The following CFAP69 variants were observed in gnomAD, a reference collection of about 807,000 sequenced individuals.
The protein encoded by CFAP69 is cilia and flagella associated protein 69.
In CFAP69, 92 loss-of-function variants were observed where a neutral mutation model predicts 123.0. The ratio of observed to expected loss-of-function variants is 0.75; its 90% CI spans 0.63 to 0.89. The LOEUF (loss-of-function observed/expected upper bound fraction) is 0.89, where lower values mean the gene tolerates loss of function less well. Ranked by LOEUF, CFAP69 falls within the 40% of genes least tolerant of loss-of-function variation. The pLI is 0.00. For missense variants in CFAP69, 1,067 were observed against 1,096.9 expected (o/e 0.97, Z 0.39); for synonymous variants, 380 against 364.3 (o/e 1.04, Z -0.49).
Position 90,268,276 on chromosome 7 carries a change from T to C in CFAP69, c.434-10T>C. The C allele has an allele frequency of 6.3e-7, 1 of 1,579,954 alleles. No individual in the cohort carries two copies. The highest frequency in any genetic ancestry group is 8.6e-7 in the Non-Finnish European group (1 of 1,156,466). ...TGTTGTTAAATAGCACCTGTTTATC[T>C]TTCTGGCAGGTGACTTAATGAAAAT... On this transcript the variant is annotated splice_polypyrimidine_tract_variant and intron_variant, in intron 5 of 22. Coordinates refer to ENST00000389297, the MANE Select transcript of CFAP69 (RefSeq NM_001039706.3).
intron 15 of CFAP69, among the ~76,000 whole-genome samples, chr7:90,290,460 G>T (rs1488250586): frequency 6.6e-6 from 1 of 152,190 alleles, no homozygotes; most frequent in African/African-American, 2.4e-5. Flanking sequence ...TAGATCTTCA[G>T]TTGCTTGCAT....
chr7:90,247,850 A>C (rs1336042954), intron 1 of CFAP69, among the ~76,000 whole-genome samples: 1 of 152,242 alleles, frequency 6.6e-6, no homozygotes, highest in Non-Finnish European at 1.5e-5. Flanking sequence ...TCTCAAAAAA[A>C]CAAAACAAAA....
intron 1 of CFAP69, among the ~76,000 whole-genome samples, chr7:90,249,895 A>G (rs1796761471): frequency 6.6e-6 from 1 of 152,140 alleles, no homozygotes; most frequent in South Asian, 2.1e-4. Context: ...TGGCGTAGGT[A>G]TCATGCCTGA....
At chr7:90,317,196 T>C in the CFAP69 span, 4 of 152,144 alleles carry the variant, frequency 2.6e-5, no homozygotes, top group African/African-American at 9.7e-5. Context: ...AACTCAACTT[T>C]TTACTCCTGT....
Position 90,307,718 on chromosome 7 carries a change from A to G in CFAP69, c.2464-50A>G, listed in dbSNP as rs761652668. The stretch of plus-strand genomic sequence containing the variant: ...GACAGAGTGAGGTTCTGTCTCAAAA[A>G]AAAAAAAGAAAAAAAAGAAACTGAA... On this transcript the variant is annotated intron_variant, in intron 20 of 22. Transcript: ENST00000389297. The G allele has an allele frequency of 2.9e-5, 39 of 1,329,652 alleles. No individual in the cohort carries two copies. The African/African-American group carries it at 5.5e-4, about 19-fold the overall frequency. The allele number at this position is 1,329,652 out of a possible 1,614,324, so 82.4% of individuals were successfully genotyped here.
At chr7:90,284,197 G>A (rs1187961488) in intron 13 of CFAP69, among the ~76,000 whole-genome samples, 1 of 152,138 alleles carries the variant, frequency 6.6e-6, no homozygotes, top group Non-Finnish European at 1.5e-5. Flanking sequence ...CCGGAAAGAA[G>A]CTGATCTTTA....
Position 90,252,138 on chromosome 7 carries a change from G to GTGTGTGTGTGTGTGTGTGTGTGTT in CFAP69, c.121-3277_121-3276insTGTGTGTGTGTGTGTTTGTGTGTG, listed in dbSNP as rs1360943185. ...TGTGTGTGTGTGTGTGTGTGTGTGT[G>GTGTGTGTGTGTGTGTGTGTGTGTT]TGTGTGTGCATGCGCGTATAAAATC... On this transcript the variant is annotated intron_variant, in intron 1 of 22. Transcript: ENST00000389297. The GTGTGTGTGTGTGTGTGTGTGTGTT allele has an allele frequency of 2.0e-5, 3 of 151,624 alleles. No homozygotes were observed. In the East Asian group the frequency reaches 5.8e-4, roughly 29 times the overall value. The allele number at this position is 151,624 out of a possible 1,614,324, so 9.4% of individuals were successfully genotyped here.
rs1789197119 is a variant in CFAP69, at chr7:90,279,851, A to G, written c.1330A>G (p.Asn444Asp). Residue 444 changes from asparagine to aspartate, a missense_variant, in exon 12 of 23, where the codon AAT (asparagine) becomes GAT (aspartate). Asn to Asp is a conservative substitution (Grantham distance 23). Coordinates refer to ENST00000389297, the MANE Select transcript of CFAP69 (RefSeq NM_001039706.3). ...LIEEYMSCQG[N>D]ARVLAFLEWC... ...AGAAGAATACATGTCATGCCAGGGA[A>G]ATGCTCGAGTCCTTGCATTTCTAGA... The G allele has an allele frequency of 6.2e-7, 1 of 1,611,026 alleles. No individual in the cohort carries two copies. Among genetic ancestry groups the G allele is most frequent in the Non-Finnish European group, 8.5e-7 (1 of 1,179,202 alleles).
intron 11 of CFAP69, among the ~76,000 whole-genome samples, chr7:90,278,541 A>G (rs569550360): frequency 7.2e-5 from 11 of 152,260 alleles, no homozygotes; most frequent in African/African-American, 2.2e-4. Context: ...ATACAGTATT[A>G]TATAAATATT....
chr7:90,271,811 A>G lies in CFAP69; in HGVS notation c.713A>G (p.Gln238Arg). The G allele has an allele frequency of 6.3e-7, 1 of 1,584,158 alleles. No homozygotes were observed. The highest frequency in any genetic ancestry group is 8.6e-7 in the Non-Finnish European group (1 of 1,164,680). Residue 238 changes from glutamine to arginine, a missense_variant, in exon 8 of 23, where the codon CAA becomes CGA. Coordinates refer to ENST00000389297, the MANE Select transcript of CFAP69 (RefSeq NM_001039706.3). Reference sequence around the variant, plus strand: ...AATTGTACTATAATGATGAAAGCACAAGCAGCCAGTGGAATCTGTACTCAC... The same window carrying G: ...AATTGTACTATAATGATGAAAGCACGAGCAGCCAGTGGAATCTGTACTCAC... The part of the protein sequence containing the change: ...EVNCTIMMKA[Q>R]AASGICTHLN...
chr7:90,318,132 A>C, the CFAP69 span: 2 of 152,298 alleles, frequency 1.3e-5, no homozygotes, highest in South Asian at 4.1e-4. Flanking sequence ...AAAAGTATTA[A>C]TCTAAACCGT....
chr7:90,318,623 A>ATTTTTTAG, the CFAP69 span: 2 of 152,138 alleles, frequency 1.3e-5, no homozygotes, highest in Admixed American at 1.3e-4. Flanking sequence ...TCTAAAAAAT[A>ATTTTTTAG]TATCACATTT....
chr7:90,274,792 G>A (rs993607457), intron 9 of CFAP69, among the ~76,000 whole-genome samples: 2 of 152,078 alleles, frequency 1.3e-5, no homozygotes, highest in Non-Finnish European at 2.9e-5. Flanking sequence ...ATGTGCTAAG[G>A]TGAGATCTCC....
the CFAP69 span, chr7:90,316,529 CTG>C: frequency 6.6e-6 from 1 of 152,314 alleles, no homozygotes; most frequent in African/African-American, 2.4e-5. Flanking sequence ...AGTGTCAACT[CTG>C]TGAGTCAAAG....
intron 13 of CFAP69, among the ~76,000 whole-genome samples, chr7:90,284,488 A>G (rs1196857422): frequency 6.6e-6 from 1 of 152,224 alleles, no homozygotes; most frequent in Non-Finnish European, 1.5e-5. Context: ...AAACATGTAT[A>G]GAGCAGGACA....
chr7:90,253,729 T>G (rs981153937), intron 1 of CFAP69, among the ~76,000 whole-genome samples: 1 of 152,140 alleles, frequency 6.6e-6, no homozygotes, highest in African/African-American at 2.4e-5. Flanking sequence ...TATATTCTTG[T>G]TATTAATCCC....
intron 13 of CFAP69, among the ~76,000 whole-genome samples, chr7:90,284,801 A>C (rs1273731407): frequency 6.6e-6 from 1 of 152,222 alleles, no homozygotes; most frequent in Non-Finnish European, 1.5e-5. Flanking sequence ...CCAAAGTTTT[A>C]TGAAGATAAA....
Position 90,277,328 on chromosome 7 carries a change from T to C in CFAP69, c.1149T>C (p.Thr383=). ...VIVILCKDLP[T]VQLLIDGKVI... is the part of the protein sequence containing the mutation. ...TGATCTTATGTAAAGATTTACCTAC[T>C]GTACAGGTAAAGAGTAATCAAGGCA... Residue 383 remains threonine (T), a synonymous_variant, in exon 11 of 23, where the codon ACT becomes ACC. Transcript: ENST00000389297. 6.4e-7 allele frequency: 1 copy of C among 1,555,392 alleles called. No individual in the cohort carries two copies. Among genetic ancestry groups the C allele is most frequent in the Non-Finnish European group, 8.7e-7 (1 of 1,155,264 alleles).
intron 6 of CFAP69, 29 bp from the exon 7 acceptor site, chr7:90,271,497 G>A (rs1314842571): frequency 6.3e-7 from 1 of 1,590,154 alleles, no homozygotes; most frequent in Non-Finnish European, 8.6e-7. Flanking sequence ...TGAGATAACT[G>A]TATGTATTTA....
Sources: gnomAD v4.1 joint callset for allele counts (sites outside exome capture counted in the v4.1 genomes callset) on GRCh38, gnomAD v4.1.1 for gene constraint, MANE v1.5 for transcripts, NCBI Gene and HGNC (gene_info 2026-07-23, HGNC 2026-07-21) for gene names.